The following MICAL1 variants were observed in gnomAD, a reference collection of about 807,000 sequenced individuals.
MICAL1 encodes microtubule associated monooxygenase, calponin and LIM domain containing 1.
Under a neutral mutation model 131.8 loss-of-function variants are expected in MICAL1, and 95 were observed. The observed-to-expected ratio is 0.72, with a 90% CI of 0.61 to 0.86. The LOEUF is 0.86. Ranked by LOEUF, MICAL1 falls within the 40% of genes least tolerant of loss-of-function variation. MICAL1 has a pLI of 0.00. For synonymous variants in MICAL1, 546 were observed against 554.2 expected (o/e 0.99, Z 0.21); for missense variants, 1,292 against 1,380.6 (o/e 0.94, Z 1.02).
chr6:109,458,169 T>C (rs1486854894), upstream of MICAL1, among the ~76,000 whole-genome samples: 1 of 151,852 alleles, frequency 6.6e-6, no homozygotes, highest in Non-Finnish European at 1.5e-5. Flanking sequence ...ACCACAAGAA[T>C]TTCTCTCCTT....
At chr6:109,451,549 T>TG (rs779405816) in intron 7 of MICAL1, 51 bp downstream of exon 7, 47 of 1,607,380 alleles carry the variant, frequency 2.9e-5, no homozygotes, top group Non-Finnish European at 3.1e-5. Context: ...GCCTAGCCTC[T>TG]GCCTCCCGGG....
At position 109,444,099 on chromosome 6, in the gene MICAL1, T is replaced by C. The variant is rs1582633041; in HGVS notation, c.*92A>G. 1 of 1,527,564 alleles carries C rather than the reference T, an allele frequency of 6.5e-7. No homozygotes were observed. The highest frequency in any genetic ancestry group is 8.8e-7 in the Non-Finnish European group (1 of 1,142,452). The allele number at this position is 1,527,564 out of a possible 1,614,324, so 94.6% of individuals were successfully genotyped here. A position where few individuals can be genotyped will look rare whatever the true frequency, so the allele number is the denominator to read the frequency against. The stretch of plus-strand genomic sequence containing the variant: ...ACATTTTAATTGTAAACAGCAAGGC[T>C]CTCTGCCAGGCAGCCCAGATGAACA... On this transcript the variant is annotated 3_prime_UTR_variant, in exon 25 of 25. Transcript: ENST00000358807.
intron 10 of MICAL1, 64 bp from the exon 11 acceptor site, chr6:109,449,545 G>A: frequency 6.2e-7 from 1 of 1,607,066 alleles, no homozygotes; most frequent in South Asian, 1.1e-5. Flanking sequence ...CCAGGGGTAA[G>A]GGCCTGCCGG....
chr6:109,446,142 G>T lies in MICAL1; in HGVS notation c.2575C>A (p.Pro859Thr). 1.3e-6 allele frequency: 2 copies of T among 1,544,504 alleles called. No individual in the cohort carries two copies. Among genetic ancestry groups the T allele is most frequent in the Non-Finnish European group, 1.7e-6 (2 of 1,150,204 alleles). Reference protein sequence around the residue: ...FVGWGLPVQSPQALVAMEKEE... With the variant: ...FVGWGLPVQSTQALVAMEKEE... The stretch of plus-strand genomic sequence containing the variant: ...ATCTGTGAGGATGGGTTACCTTGAG[G>T]GCTCTGGACTGGCAGGCCCCAGCCC... Residue 859 changes from proline (P) to threonine (T), a missense_variant, in exon 19 of 25, where the codon CCT becomes ACT. Physicochemically the swap from Pro to Thr is conservative, Grantham distance 38. Transcript: ENST00000358807.
intron 6 of MICAL1, 22 bp from the exon 7 acceptor site, chr6:109,451,722 C>G: frequency 2.5e-6 from 4 of 1,612,776 alleles, no homozygotes; most frequent in Non-Finnish European, 3.4e-6. Flanking sequence ...GGGCAGGGGA[C>G]AGTAGATATG....
rs1159839975 is a variant in MICAL1, at chr6:109,455,302, C to G, written c.-44+417G>C. ...AGCTGCCCCTCCGTTCCCAGCCCGCCGCGCCGAGACAGGAGATGAAAGCCT... is the reference window on the plus strand; with the variant it reads ...AGCTGCCCCTCCGTTCCCAGCCCGCGGCGCCGAGACAGGAGATGAAAGCCT... On this transcript the variant is annotated intron_variant, in intron 1 of 24. Coordinates refer to ENST00000358807, the MANE Select transcript of MICAL1 (RefSeq NM_022765.4). The surrounding 1 kb of genome is among the most constrained non-coding windows in gnomAD (Gnocchi z 4.7). Among the ~76,000 whole-genome samples the G allele has an allele frequency of 1.3e-5, 2 of 152,186 alleles. No homozygotes were observed. The highest frequency in any genetic ancestry group is 1.5e-5 in the Non-Finnish European group (1 of 68,018).
upstream of MICAL1, among the ~76,000 whole-genome samples, chr6:109,457,136 G>A (rs1775772859): frequency 6.6e-6 from 1 of 152,126 alleles, no homozygotes; most frequent in Admixed American, 6.5e-5. Context: ...AACACTCACT[G>A]TTCCCAGCTC....
chr6:109,448,605 T>A, intron 12 of MICAL1, 127 bp downstream of exon 12: 1 of 1,415,622 alleles, frequency 7.1e-7, no homozygotes, highest in Non-Finnish European at 9.7e-7. Flanking sequence ...CTCCACTATC[T>A]GAATGCATTA....
At position 109,449,649 on chromosome 6, in the gene MICAL1, G is replaced by A. The variant is rs748516372; in HGVS notation, c.1434+8C>T. On this transcript the variant is annotated splice_region_variant and intron_variant, in intron 10 of 24. Transcript: ENST00000358807. The stretch of plus-strand genomic sequence containing the variant: ...TGGGAAGGCTGGTGGGTGTGTCGGG[G>A]GTCTGACCTGATTGGGGGTCACTGC... 1.3e-6 allele frequency: 2 copies of A among 1,583,994 alleles called. No homozygotes were observed. The highest frequency in any genetic ancestry group is 1.7e-6 in the Non-Finnish European group (2 of 1,165,030).
rs1775719579 is a variant in MICAL1 at position 109,455,698 on chromosome 6, C to A, written c.-44+21G>T. ...CCCACCCGGCCGCGGGGCTCGCAGCCGGCTCCGCTGGACGACTTACCGGCG... is the reference window on the plus strand; with the variant it reads ...CCCACCCGGCCGCGGGGCTCGCAGCAGGCTCCGCTGGACGACTTACCGGCG... On this transcript the variant is annotated intron_variant, in intron 1 of 24. Transcript: ENST00000358807. This position sits in a 1 kb window ranked among gnomAD's most constrained non-coding sequence, Gnocchi z 4.7. The A allele has an allele frequency of 1.0e-6, 1 of 983,606 alleles. No individual in the cohort carries two copies. Among genetic ancestry groups the A allele is most frequent in the Non-Finnish European group, 1.2e-6 (1 of 829,734 alleles). The allele number at this position is 983,606 out of a possible 1,614,324, so 60.9% of individuals were successfully genotyped here.
At chr6:109,447,608 AAT>A (rs1490725726) in intron 15 of MICAL1, 71 bp downstream of exon 15, 3 of 1,606,960 alleles carry the variant, frequency 1.9e-6, no homozygotes, top group Admixed American at 3.3e-5. Flanking sequence ...TGGGATGAGA[AAT>A]AGGGAAGACA....
intron 24 of MICAL1, among the ~76,000 whole-genome samples, 162 bp from the exon 25 acceptor site, chr6:109,444,501 G>C (rs1775117575): frequency 6.6e-6 from 1 of 152,204 alleles, no homozygotes; most frequent in African/African-American, 2.4e-5. Context: ...GCACTACTGA[G>C]CAGCACGATT....
In MICAL1 at chr6:109,445,004, A is replaced by C; in HGVS notation, c.2882-9T>G. On this transcript the variant is annotated splice_polypyrimidine_tract_variant and intron_variant, in intron 22 of 24. Transcript: ENST00000358807. ...TTGCTGTTCTGGGGAACCTGAGAAG[A>C]AGGAAGATGGGTAGGGTGATCAGGA... The C allele has an allele frequency of 6.2e-7, 1 of 1,613,200 alleles. No individual in the cohort carries two copies. Among genetic ancestry groups the C allele is most frequent in the Non-Finnish European group, 8.5e-7 (1 of 1,179,946 alleles).
Position 109,450,105 on chromosome 6 carries a change from GGAAGCA to G in MICAL1, c.1192-26_1192-21del. ...GAAGGGCTGCAGTGTCAGAGGAATA[GGAAGCA>G]GCTCAGGGAGAATCCAACAGGTGCA... On this transcript the variant is annotated intron_variant, in intron 8 of 24. Transcript: ENST00000358807. The G allele has an allele frequency of 6.2e-7, 1 of 1,609,746 alleles. No individual in the cohort carries two copies.
At position 109,449,483 on chromosome 6, in the gene MICAL1, T is replaced by C; in HGVS notation, c.1435-2A>G. The C allele has an allele frequency of 6.2e-7, 1 of 1,614,172 alleles. No individual in the cohort carries two copies. The highest frequency in any genetic ancestry group is 8.5e-7 in the Non-Finnish European group (1 of 1,180,010). On this transcript the variant is annotated splice_acceptor_variant, in intron 10 of 24. Transcript: ENST00000358807. LOFTEE classifies it high-confidence loss of function. ...TAGCACATCATACAGGTCTCGTACC[T>C]AAGGCAGCCCCGCTCAGGTCTCAAG...
At chr6:109,447,467 A>T in intron 15 of MICAL1, 27 bp from the exon 16 acceptor site, 1 of 1,598,910 alleles carries the variant, frequency 6.3e-7, no homozygotes, top group Non-Finnish European at 8.5e-7. Flanking sequence ...TCAGGCAGGG[A>T]GGGTAGAGGG....
intron 1 of MICAL1, chr6:109,464,332 A>G (rs998640110): frequency 2.0e-4 from 31 of 152,194 alleles, no homozygotes; most frequent in African/African-American, 7.0e-4. Flanking sequence ...CTATTACTCT[A>G]ACCTCCAAAT....
At chr6:109,458,052 C>A (rs1183009090), upstream of MICAL1, among the ~76,000 whole-genome samples, 4 of 151,378 alleles carry the variant, frequency 2.6e-5, no homozygotes, top group Non-Finnish European at 5.9e-5. Flanking sequence ...AAAATCCTAT[C>A]ATTCAATGCT....
At chr6:109,451,824 G>A (rs984719862) in intron 6 of MICAL1, 124 bp from the exon 7 acceptor site, 22 of 1,480,262 alleles carry the variant, frequency 1.5e-5, no homozygotes, top group South Asian at 2.7e-5. Context: ...AGTGCTCCAC[G>A]CATAGAACCC....
Sources: gnomAD v4.1 joint callset for allele counts (sites outside exome capture counted in the v4.1 genomes callset) on GRCh38, gnomAD v4.1.1 for gene constraint, Gnocchi (gnomAD v3.1) non-coding constraint, MANE v1.5 for transcripts, NCBI Gene and HGNC (gene_info 2026-07-23, HGNC 2026-07-21) for gene names.